The following KCNN3 variants were observed in gnomAD, a reference collection of about 807,000 sequenced individuals.
KCNN3 encodes potassium calcium-activated channel subfamily N member 3.
Under a neutral mutation model 62.9 loss-of-function variants are expected in KCNN3, and 16 were observed. The ratio of observed to expected loss-of-function variants is 0.25; its 90% confidence interval spans 0.17 to 0.39. The LOEUF (loss-of-function observed/expected upper bound fraction) is 0.39, where lower values mean the gene tolerates loss of function less well. Ranked by LOEUF, KCNN3 falls within the 10% of genes least tolerant of loss-of-function variation. KCNN3 has a pLI of 1.00. For synonymous variants in KCNN3, 370 were observed against 389.2 expected, an observed-to-expected ratio of 0.95 and a Z score of 0.58; for missense variants, 599 against 949.4, an observed-to-expected ratio of 0.63 and a Z score of 4.85.
rs368661284 is a variant in KCNN3, at chr1:154,842,479, C to T, written c.934-20295G>A. On this transcript the variant is annotated intron_variant, in intron 1 of 7. Coordinates refer to ENST00000271915, the MANE Select transcript of KCNN3 (RefSeq NM_002249.6). ...CCTCCTGAGCTTCACATCACCTGGT[C>T]GCACCCCAAAAGTGGGGCAGAAGGG... Among the ~76,000 whole-genome samples the T allele has an allele frequency of 3.9e-5, 6 of 152,250 alleles. No individual in the cohort carries two copies. In the East Asian group the frequency reaches 9.6e-4, roughly 24 times the overall value.
chr1:154,846,097 G>A lies in KCNN3; in HGVS notation c.933+22935C>T, dbSNP rs550034422. Among the ~76,000 whole-genome samples the A allele has an allele frequency of 3.3e-5, 5 of 152,268 alleles. No individual in the cohort carries two copies. In the East Asian group the frequency reaches 5.8e-4, roughly 18 times the overall value. On this transcript the variant is annotated intron_variant, in intron 1 of 7. Coordinates refer to ENST00000271915, the MANE Select transcript of KCNN3 (RefSeq NM_002249.6). Reference sequence around the variant, plus strand: ...TGGCAGCGGCTGCCCTGGCTGGGGGGCTTTCCTTCTGGAACCCATCAGCGC... The same window carrying A: ...TGGCAGCGGCTGCCCTGGCTGGGGGACTTTCCTTCTGGAACCCATCAGCGC...
At chr1:154,806,722 G>A (rs1650186306) in intron 2 of KCNN3, among the ~76,000 whole-genome samples, 1 of 152,168 alleles carries the variant, frequency 6.6e-6, no homozygotes, top group Non-Finnish European at 1.5e-5. Flanking sequence ...AAATGTAGCA[G>A]CTTCAAAAAC....
chr1:154,770,918 A>G (rs1006630974), intron 3 of KCNN3, among the ~76,000 whole-genome samples: 2 of 152,104 alleles, frequency 1.3e-5, no homozygotes, highest in Non-Finnish European at 2.9e-5. Context: ...TTAGCCTGGT[A>G]TGGTGGCGCA....
intron 1 of KCNN3, among the ~76,000 whole-genome samples, chr1:154,854,797 A>T (rs1374226920): frequency 6.6e-6 from 1 of 152,276 alleles, no homozygotes; most frequent in African/African-American, 2.4e-5. Context: ...GTAAGTAAAA[A>T]TGCATCTTTT....
At chr1:154,759,142 G>A (rs1306334176) in intron 3 of KCNN3, among the ~76,000 whole-genome samples, 1 of 152,220 alleles carries the variant, frequency 6.6e-6, no homozygotes, top group Non-Finnish European at 1.5e-5. Context: ...CCTTCTAGCA[G>A]CTGCGCTATG....
chr1:154,761,587 G>A (rs1055698105), intron 3 of KCNN3, among the ~76,000 whole-genome samples: 6 of 151,962 alleles, frequency 3.9e-5, no homozygotes, highest in African/African-American at 1.5e-4. Flanking sequence ...TATTTTGTAC[G>A]CTCCTTTTTC....
intron 1 of KCNN3, among the ~76,000 whole-genome samples, chr1:154,823,973 T>C (rs571894703): frequency 7.2e-5 from 11 of 152,334 alleles, no homozygotes; most frequent in African/African-American, 2.6e-4. Flanking sequence ...TCCCCATTCA[T>C]TTAATTGGTA....
rs372419327 is a variant in KCNN3, at chr1:154,869,500, G to A, written c.465C>T (p.His155=). 1.2e-6 allele frequency: 2 copies of A among 1,613,986 alleles called. No homozygotes were observed. The highest frequency in any genetic ancestry group is 1.1e-5 in the South Asian group (1 of 91,080). The change falls in exon 1 of 8, where the codon CAC becomes CAT. Residue 155 remains histidine (H), a synonymous_variant. Transcript: ENST00000271915. The surrounding 1 kb of genome is among the most constrained non-coding windows in gnomAD (Gnocchi z 6.1). ...GGTGCACCAGGGGGCTGGCCTGTCG[G>A]TGCCGGCTGCCTCCGCCAGGCCCAC... ...ATSGPGGGSR[H]RQASPLVHRR...
intron 1 of KCNN3, among the ~76,000 whole-genome samples, chr1:154,828,907 C>T (rs1398334996): frequency 2.0e-5 from 3 of 152,212 alleles, no homozygotes; most frequent in South Asian, 2.1e-4. Flanking sequence ...CTTTGCAATC[C>T]GCATAGCCAA....
chr1:154,711,788 AG>A (rs1700082074), intron 7 of KCNN3, among the ~76,000 whole-genome samples: 1 of 152,190 alleles, frequency 6.6e-6, no homozygotes, highest in Non-Finnish European at 1.5e-5. Flanking sequence ...TAAGACTAGT[AG>A]GGGGCCAATT....
chr1:154,863,559 C>T (rs193260386), intron 1 of KCNN3, among the ~76,000 whole-genome samples: 1 of 152,300 alleles, frequency 6.6e-6, no homozygotes, highest in Non-Finnish European at 1.5e-5. Context: ...ATAACTGCAA[C>T]AGAGCTGAAG....
At chr1:154,787,460 G>A (rs1649330570) in intron 2 of KCNN3, among the ~76,000 whole-genome samples, 1 of 152,248 alleles carries the variant, frequency 6.6e-6, no homozygotes, top group African/African-American at 2.4e-5. Context: ...GTGGGGTACA[G>A]CGGAGATCAG....
At chr1:154,842,440 T>C (rs1437667336) in intron 1 of KCNN3, among the ~76,000 whole-genome samples, 1 of 152,020 alleles carries the variant, frequency 6.6e-6, no homozygotes, top group African/African-American at 2.4e-5. Context: ...CCTTCCTGAG[T>C]GTCCCAGCCA....
chr1:154,795,463 A>G (rs1034436879), intron 2 of KCNN3, among the ~76,000 whole-genome samples: 3 of 152,156 alleles, frequency 2.0e-5, no homozygotes, highest in Admixed American at 6.5e-5. Context: ...CAGGACCATC[A>G]ATTCATGTCT....
chr1:154,762,739 G>C (rs1483588146), intron 3 of KCNN3, among the ~76,000 whole-genome samples: 2 of 151,938 alleles, frequency 1.3e-5, no homozygotes, highest in African/African-American at 4.8e-5. Flanking sequence ...CTCCTCTCAG[G>C]GCTGATTAAA....
At chr1:154,867,982 C>G in intron 1 of KCNN3, 1 of 985,328 alleles carries the variant, frequency 1.0e-6, no homozygotes, top group Non-Finnish European at 1.2e-6. Context: ...GGGAGGGAAA[C>G]CCCCTCCTCC....
At chr1:154,853,412 T>G (rs1418056826) in intron 1 of KCNN3, among the ~76,000 whole-genome samples, 1 of 152,152 alleles carries the variant, frequency 6.6e-6, no homozygotes, top group African/African-American at 2.4e-5. Context: ...CACAGCTCAC[T>G]ACAGCTTTGA....
rs1000362707 is a variant in KCNN3, at chr1:154,809,159, C to T, written c.1029+12930G>A. On this transcript the variant is annotated intron_variant, in intron 2 of 7. Transcript: ENST00000271915. The surrounding 1 kb of genome is among the most constrained non-coding windows in gnomAD (Gnocchi z 4.3). Reference sequence around the variant, plus strand: ...GCCTCAGCACTCTCCTGTGACACAACGTGATCTCACCGAGTGACCAGGTGT... The same window carrying T: ...GCCTCAGCACTCTCCTGTGACACAATGTGATCTCACCGAGTGACCAGGTGT... 1.3e-5 allele frequency among the ~76,000 whole-genome samples: 2 copies of T among 152,240 alleles called. No homozygotes were observed. Among genetic ancestry groups the T allele is most frequent in the African/African-American group, 4.8e-5 (2 of 41,460 alleles).
chr1:154,760,684 C>A (rs1428852444), intron 3 of KCNN3, among the ~76,000 whole-genome samples: 1 of 152,246 alleles, frequency 6.6e-6, no homozygotes, highest in African/African-American at 2.4e-5. Context: ...GGACTCGCGG[C>A]CTCTCCCCAC....
Sources: allele counts gnomAD v4.1 joint callset (sites outside exome capture counted in the v4.1 genomes callset), GRCh38; gene constraint gnomAD v4.1.1; non-coding constraint Gnocchi (gnomAD v3.1); transcripts MANE v1.5; gene names NCBI Gene and HGNC (gene_info 2026-07-23, HGNC 2026-07-21).